GPR183: variants seen among roughly 807,000 people sequenced by gnomAD.
The protein encoded by GPR183 is EBV-induced G-protein coupled receptor 2.
GPR183 carries 9 observed loss-of-function variants against 19.7 expected under a neutral mutation model. The ratio of observed to expected loss-of-function variants is 0.46; its 90% CI spans 0.28 to 0.80. GPR183 has a LOEUF of 0.80. GPR183 is among the 30% of genes least tolerant of loss of function. GPR183 has a pLI of 0.13. For synonymous variants in GPR183, 160 were observed against 155.1 expected (o/e 1.03, Z -0.24); for missense variants, 368 against 446.7 (o/e 0.82, Z 1.59).
intron 1 of GPR183, among the ~76,000 whole-genome samples, chr13:99,300,753 G>C (rs542479602): frequency 6.6e-6 from 1 of 152,318 alleles, no homozygotes; most frequent in African/African-American, 2.4e-5. Context: ...GCTGTTATCT[G>C]AGTGAGGTGT....
At chr13:99,299,510 A>G (rs2044226330) in intron 1 of GPR183, among the ~76,000 whole-genome samples, 1 of 152,198 alleles carries the variant, frequency 6.6e-6, no homozygotes, top group Admixed American at 6.5e-5. Context: ...ATAATTTTGT[A>G]TGAGTAATTT....
In GPR183 at chr13:99,295,385, A is replaced by G. The variant is rs1305988900; in HGVS notation, c.761T>C (p.Val254Ala). ...AACATGGTAAGGTGTGAAACAGAGA[A>G]CAAACACAACAATAATAAGAATAAT... is the stretch of plus-strand genomic sequence containing the variant. ...NTIILIIVVF[V>A]LCFTPYHVAI... The change falls in exon 2 of 2, where the codon GTT becomes GCT. Residue 254 changes from valine (V) to alanine (A), a missense_variant. By Grantham distance (64) the Val-to-Ala change is moderately conservative. Coordinates refer to ENST00000376414, the MANE Select transcript of GPR183 (RefSeq NM_004951.5). This position sits in a 1 kb window ranked among gnomAD's most constrained non-coding sequence, Gnocchi z 4.1. The G allele has an allele frequency of 6.2e-7, 1 of 1,614,120 alleles. No individual in the cohort carries two copies. The highest frequency in any genetic ancestry group is 1.7e-5 in the Admixed American group (1 of 60,018).
At chr13:99,299,335 A>G (rs1198798429) in intron 1 of GPR183, among the ~76,000 whole-genome samples, 1 of 152,214 alleles carries the variant, frequency 6.6e-6, no homozygotes, top group Non-Finnish European at 1.5e-5. Context: ...CAGTGAATAC[A>G]GTGCAGCTCT....
intron 1 of GPR183, among the ~76,000 whole-genome samples, chr13:99,306,561 G>C (rs2044339765): frequency 6.6e-6 from 1 of 151,772 alleles, no homozygotes; most frequent in South Asian, 2.1e-4. Flanking sequence ...AACCCTCACT[G>C]CCCTTTAAAG....
chr13:99,305,103 A>G (rs1443555766), intron 1 of GPR183, among the ~76,000 whole-genome samples: 1 of 152,260 alleles, frequency 6.6e-6, no homozygotes, highest in Non-Finnish European at 1.5e-5. Flanking sequence ...TAATAAAACA[A>G]TTTAGACTGA....
chr13:99,295,783 A>G lies in GPR183; in HGVS notation c.363T>C (p.Phe121=). 6.2e-7 allele frequency: 1 copy of G among 1,613,956 alleles called. No individual in the cohort carries two copies. The highest frequency in any genetic ancestry group is 8.5e-7 in the Non-Finnish European group (1 of 1,179,820). ...AGCGGTCAATACTCAGGCAGGTCATAAAGTTCACACCTGCATATGTGTTGA... is the reference window on the plus strand; with the variant it reads ...AGCGGTCAATACTCAGGCAGGTCATGAAGTTCACACCTGCATATGTGTTGA... ...FYINTYAGVN[F]MTCLSIDRFI... Residue 121 remains phenylalanine, a synonymous_variant, in exon 2 of 2, where the codon TTT becomes TTC. Transcript: ENST00000376414. The surrounding 1 kb of genome is among the most constrained non-coding windows in gnomAD (Gnocchi z 4.1).
chr13:99,306,623 A>G (rs2044340621), intron 1 of GPR183, among the ~76,000 whole-genome samples: 1 of 152,134 alleles, frequency 6.6e-6, no homozygotes, highest in Non-Finnish European at 1.5e-5. Flanking sequence ...CACCATTCCC[A>G]ACCTGGACAT....
chr13:99,303,153 C>T (rs537371398), intron 1 of GPR183, among the ~76,000 whole-genome samples: 4 of 152,206 alleles, frequency 2.6e-5, no homozygotes, highest in South Asian at 4.2e-4. Context: ...AATAGATCTG[C>T]GAAAGGCCAT....
chr13:99,303,165 T>C lies in GPR183; in HGVS notation c.-19+4175A>G, dbSNP rs117075673. 1.8e-4 allele frequency among the ~76,000 whole-genome samples: 27 copies of C among 152,342 alleles called. No homozygotes were observed. In the East Asian group the frequency reaches 5.2e-3, roughly 29 times the overall value. On this transcript the variant is annotated intron_variant, in intron 1 of 1. Transcript: ENST00000376414. ...CCCAATAGATCTGCGAAAGGCCATT[T>C]ATAGGACCAAGTACAGAGAACTTCT...
chr13:99,297,439 T>C (rs73568039), intron 1 of GPR183, among the ~76,000 whole-genome samples: 1,666 of 152,242 alleles, frequency 0.011, 37 homozygotes, highest in African/African-American at 0.039. Flanking sequence ...AAAAGCACTG[T>C]CTGCAAATCT....
At chr13:99,304,065 C>A (rs2044295443) in intron 1 of GPR183, among the ~76,000 whole-genome samples, 1 of 152,182 alleles carries the variant, frequency 6.6e-6, no homozygotes, top group Non-Finnish European at 1.5e-5. Context: ...GGGGCCCATC[C>A]AACCCCAGGC....
Position 99,295,766 on chromosome 13 carries a change from A to G in GPR183, c.380T>C (p.Ile127Thr), listed in dbSNP as rs761442453. ...AGVNFMTCLS[I>T]DRFIAVVHPL... is the part of the protein sequence containing the mutation. ...GTGCACCACAGCAATGAAGCGGTCA[A>G]TACTCAGGCAGGTCATAAAGTTCAC... Residue 127 changes from isoleucine (I) to threonine (T), a missense_variant, in exon 2 of 2, where the codon ATT becomes ACT. Transcript: ENST00000376414. This position sits in a 1 kb window ranked among gnomAD's most constrained non-coding sequence, Gnocchi z 4.1. 3.7e-6 allele frequency: 6 copies of G among 1,614,110 alleles called. No individual in the cohort carries two copies. Among genetic ancestry groups the G allele is most frequent in the Middle Eastern group, 1.6e-4 (1 of 6,062 alleles).
intron 1 of GPR183, among the ~76,000 whole-genome samples, chr13:99,306,708 C>G (rs548024435): frequency 1.3e-5 from 2 of 152,230 alleles, no homozygotes; most frequent in South Asian, 4.1e-4. Context: ...TACGTTTAGT[C>G]TAAGTAAACA....
chr13:99,300,194 G>C (rs766797178), intron 1 of GPR183, among the ~76,000 whole-genome samples: 89 of 152,228 alleles, frequency 5.8e-4, no homozygotes, highest in Non-Finnish European at 1.2e-3. Context: ...ACATCATTGA[G>C]CTCCAAGGGT....
At chr13:99,301,028 A>G (rs1470123758) in intron 1 of GPR183, among the ~76,000 whole-genome samples, 1 of 152,240 alleles carries the variant, frequency 6.6e-6, no homozygotes, top group Non-Finnish European at 1.5e-5. Flanking sequence ...ATCATTTATC[A>G]TTGTATTGCC....
Position 99,296,015 on chromosome 13 carries a change from A to G in GPR183, c.131T>C (p.Ile44Thr), listed in dbSNP as rs375406376. The G allele has an allele frequency of 5.2e-5, 84 of 1,614,190 alleles. No individual in the cohort carries two copies. The highest frequency in any genetic ancestry group is 3.1e-4 in the South Asian group (28 of 91,086). Residue 44 changes from isoleucine (I) to threonine (T), a missense_variant, in exon 2 of 2, where the codon ATT becomes ACT. Coordinates refer to ENST00000376414, the MANE Select transcript of GPR183 (RefSeq NM_004951.5). ...MPLHYSLVFI[I>T]GLVGNLLALV... ...GGCTAGTAAGTTTCCCACGAGCCCA[A>G]TGATGAAGACGAGGCTGTAATGCAG...
At chr13:99,304,191 A>G (rs2044297269) in intron 1 of GPR183, among the ~76,000 whole-genome samples, 1 of 152,118 alleles carries the variant, frequency 6.6e-6, no homozygotes, top group Non-Finnish European at 1.5e-5. Context: ...CAGGCATGCA[A>G]AATTACTTAG....
At position 99,295,032 on chromosome 13, in the gene GPR183, G is replaced by A. The variant is rs140312850; in HGVS notation, c.*28C>T. On this transcript the variant is annotated 3_prime_UTR_variant, in exon 2 of 2. Transcript: ENST00000376414. This position sits in a 1 kb window ranked among gnomAD's most constrained non-coding sequence, Gnocchi z 4.1. ...CTGCAAAGTTTGTCATACAGTTTAC[G>A]TCACTATAAACCAAAATACAATCCA... 7.5e-5 allele frequency: 120 copies of A among 1,593,848 alleles called. No homozygotes were observed. The East Asian group carries it at 1.6e-3, about 21-fold the overall frequency.
intron 1 of GPR183, among the ~76,000 whole-genome samples, chr13:99,297,020 G>T (rs749600903): frequency 6.6e-6 from 1 of 152,032 alleles, no homozygotes; most frequent in African/African-American, 2.4e-5. Context: ...TATATTTGTC[G>T]TGTATATTTT....
Sources: gnomAD v4.1 joint callset for allele counts (sites outside exome capture counted in the v4.1 genomes callset) on GRCh38, gnomAD v4.1.1 for gene constraint, Gnocchi (gnomAD v3.1) non-coding constraint, MANE v1.5 for transcripts, NCBI Gene and HGNC (gene_info 2026-07-23, HGNC 2026-07-21) for gene names.